CEP76: variants seen among roughly 807,000 people sequenced by gnomAD.
CEP76 encodes centrosomal protein 76, also known as centrosomal protein of 76 kDa.
Under a neutral mutation model 83.3 loss-of-function variants are expected in CEP76, and 55 were observed. The observed-to-expected ratio is 0.66, with a 90% CI of 0.53 to 0.83. The LOEUF (loss-of-function observed/expected upper bound fraction) is 0.83, where lower values mean the gene tolerates loss of function less well. CEP76 is among the 40% of genes least tolerant of loss of function. CEP76 has a pLI of 0.00. For synonymous variants in CEP76, 270 were observed against 274.5 expected, an observed-to-expected ratio of 0.98 and a Z score of 0.16; for missense variants, 694 against 799.5, an observed-to-expected ratio of 0.87 and a Z score of 1.59.
At chr18:12,677,215 G>A (rs1403517183) in intron 10 of CEP76, among the ~76,000 whole-genome samples, 1 of 152,116 alleles carries the variant, frequency 6.6e-6, no homozygotes, top group African/African-American at 2.4e-5. Context: ...CACTTTGGGA[G>A]GCTGAGGCAG....
At position 12,700,682 on chromosome 18, in the gene CEP76, T is replaced by C. The variant is rs573540950; in HGVS notation, c.219+276A>G. On this transcript the variant is annotated intron_variant, in intron 2 of 11. Coordinates refer to ENST00000262127, the MANE Select transcript of CEP76 (RefSeq NM_024899.4). ...ATGGTGAACTAATTGGACTAAAGTA[T>C]GTATATTCAAATTTACAGACCTAGA... Among the ~76,000 whole-genome samples, 5 of 152,286 alleles carry C rather than the reference T, an allele frequency of 3.3e-5. No homozygotes were observed. In the East Asian group the frequency reaches 5.8e-4, roughly 18 times the overall value.
At position 12,702,504 on chromosome 18, in the gene CEP76, G is replaced by A; in HGVS notation, c.45C>T (p.Ile15=). ...PEKASELKQL[I]HQQLSKMDVH... is the part of the protein sequence containing the mutation. Reference sequence around the variant, plus strand: ...CTCTCACCTTGCTCAGCTGCTGGTGGATGAGCTGCTTCAGCTCGGAGGCTT... The same window carrying A: ...CTCTCACCTTGCTCAGCTGCTGGTGAATGAGCTGCTTCAGCTCGGAGGCTT... The change falls in exon 1 of 12, where the codon ATC becomes ATT. Residue 15 remains isoleucine (I), a synonymous_variant. Coordinates refer to ENST00000262127, the MANE Select transcript of CEP76 (RefSeq NM_024899.4). The A allele has an allele frequency of 1.2e-6, 2 of 1,609,900 alleles. No individual in the cohort carries two copies. The highest frequency in any genetic ancestry group is 1.7e-6 in the Non-Finnish European group (2 of 1,178,558).
chr18:12,664,682 G>A (rs1026388213), intron 12 of CEP76, among the ~76,000 whole-genome samples: 28 of 151,716 alleles, frequency 1.8e-4, no homozygotes, highest in African/African-American at 5.8e-4. Context: ...ACTGTGCCTG[G>A]CTAATTTGTC....
intron 8 of CEP76, among the ~76,000 whole-genome samples, chr18:12,683,287 G>A (rs2039417395): frequency 6.6e-6 from 1 of 151,394 alleles, no homozygotes; most frequent in South Asian, 2.1e-4. Flanking sequence ...GGGAGGCGGA[G>A]GTTGCAGTGA....
intron 8 of CEP76, among the ~76,000 whole-genome samples, chr18:12,683,317 A>G (rs1243563106): frequency 1.3e-5 from 2 of 151,476 alleles, no homozygotes; most frequent in Admixed American, 6.6e-5. Flanking sequence ...GTGACACTGC[A>G]CTCCAGCCTG....
At chr18:12,677,021 C>G (rs577056261) in intron 10 of CEP76, among the ~76,000 whole-genome samples, 1 of 152,158 alleles carries the variant, frequency 6.6e-6, no homozygotes, top group Non-Finnish European at 1.5e-5. Context: ...CTTTTCCCAC[C>G]CCACAGCTTC....
intron 12 of CEP76, among the ~76,000 whole-genome samples, chr18:12,666,434 T>C (rs2038803131): frequency 7.2e-6 from 1 of 138,336 alleles, no homozygotes; most frequent in South Asian, 2.2e-4. Flanking sequence ...CAAAATTTTA[T>C]GGTTTTTTTT....
chr18:12,683,186 C>CAAAAAAAAAAAAAAAAAAA lies in CEP76; in HGVS notation c.1123-2359_1123-2358insTTTTTTTTTTTTTTTTTTT, dbSNP rs765652085. On this transcript the variant is annotated intron_variant, in intron 8 of 11. Transcript: ENST00000262127. ...GAAACCCCATCTCTACTAAAAATAC[C>CAAAAAAAAAAAAAAAAAAA]AAAAAAAAAAAAAAAAAAGCCAGGC... Among the ~76,000 whole-genome samples, 57 of 63,662 alleles carry CAAAAAAAAAAAAAAAAAAA rather than the reference C, an allele frequency of 9.0e-4. 2 individuals are homozygous for CAAAAAAAAAAAAAAAAAAA. The highest frequency in any genetic ancestry group is 2.9e-3 in the African/African-American group (49 of 16,988). The allele number at this position is 63,662 out of a possible 152,430, so 41.8% of individuals were successfully genotyped here.
At position 12,673,135 on chromosome 18, in the gene CEP76, C is replaced by A. The variant is rs1462253435; in HGVS notation, c.*230G>T. 8.9e-7 allele frequency: 1 copy of A among 1,124,566 alleles called. No homozygotes were observed. The highest frequency in any genetic ancestry group is 1.1e-6 in the Non-Finnish European group (1 of 898,298). The allele number at this position is 1,124,566 out of a possible 1,614,324, so 69.7% of individuals were successfully genotyped here. A position where few individuals can be genotyped will look rare whatever the true frequency, so the allele number is the denominator to read the frequency against. ...GTAGCATTTATTAAAATAGAATATA[C>A]ACTTAATTTATACTAAATTCCAGGG... On this transcript the variant is annotated 3_prime_UTR_variant, in exon 12 of 12. Coordinates refer to ENST00000262127, the MANE Select transcript of CEP76 (RefSeq NM_024899.4).
chr18:12,686,327 C>T lies in CEP76; in HGVS notation c.1057G>A (p.Val353Ile), dbSNP rs1237479781. Reference sequence around the variant, plus strand: ...TCCTGTTTACCTCCTCCTCCAATAACAGGGGCTCGTTCATAACCAAGGACA... The same window carrying T: ...TCCTGTTTACCTCCTCCTCCAATAATAGGGGCTCGTTCATAACCAAGGACA... ...VNVLGYERAP[V>I]IGGGGKQEQW... The change falls in exon 8 of 12, where the codon GTT becomes ATT. Residue 353 changes from valine (V) to isoleucine (I), a missense_variant. By Grantham distance (29) the Val-to-Ile change is conservative. Coordinates refer to ENST00000262127, the MANE Select transcript of CEP76 (RefSeq NM_024899.4). The T allele has an allele frequency of 3.7e-6, 6 of 1,614,020 alleles. No homozygotes were observed. The African/African-American group carries it at 6.7e-5, about 18-fold the overall frequency.
At chr18:12,681,112 C>T (rs2039332060) in intron 8 of CEP76, among the ~76,000 whole-genome samples, 1 of 151,050 alleles carries the variant, frequency 6.6e-6, no homozygotes, top group East Asian at 1.9e-4. Context: ...GCAAGAGAAT[C>T]ACGTGAACTT....
intron 3 of CEP76, 53 bp from the exon 4 acceptor site, chr18:12,699,256 G>A: frequency 8.0e-7 from 1 of 1,246,564 alleles, no homozygotes; most frequent in Non-Finnish European, 1.2e-6. Flanking sequence ...TTAAAAGAAT[G>A]TGATCAAGAC....
chr18:12,696,301 G>A (rs900078469), intron 5 of CEP76, among the ~76,000 whole-genome samples: 3 of 152,052 alleles, frequency 2.0e-5, no homozygotes, highest in Non-Finnish European at 2.9e-5. Context: ...TCAAGAGATC[G>A]AGACCATCCC....
chr18:12,677,273 C>G (rs899601849), intron 10 of CEP76, among the ~76,000 whole-genome samples: 1 of 151,748 alleles, frequency 6.6e-6, no homozygotes, highest in African/African-American at 2.4e-5. Flanking sequence ...AACCCTATCT[C>G]TACAAAAAAT....
chr18:12,686,001 T>A, intron 8 of CEP76: 1 of 290,594 alleles, frequency 3.4e-6, no homozygotes, highest in Non-Finnish European at 6.5e-6. Flanking sequence ...TCTAAATTGT[T>A]TAAAAATCTC....
chr18:12,662,032 T>C, exon 13 of CEP76: 1 of 279,724 alleles, frequency 3.6e-6, no homozygotes, highest in East Asian at 1.0e-4. Flanking sequence ...CTTATTCTTG[T>C]AGAATAAGTG....
chr18:12,681,384 CT>C (rs1484866770), intron 8 of CEP76, among the ~76,000 whole-genome samples: 2 of 150,608 alleles, frequency 1.3e-5, no homozygotes, highest in Non-Finnish European at 2.9e-5. Context: ...GTAGCTGGGA[CT>C]AAAGGTGTGC....
At chr18:12,689,532 T>C (rs558576916) in intron 7 of CEP76, among the ~76,000 whole-genome samples, 1 of 152,290 alleles carries the variant, frequency 6.6e-6, no homozygotes, top group African/African-American at 2.4e-5. Context: ...TAAATTACGT[T>C]CTATGGTTCA....
intron 10 of CEP76, among the ~76,000 whole-genome samples, chr18:12,676,419 C>A (rs922863898): frequency 7.3e-5 from 11 of 151,258 alleles, no homozygotes; most frequent in Non-Finnish European, 1.3e-4. Flanking sequence ...GGACTACAGG[C>A]ATGCACCACC....
Sources: gnomAD v4.1 joint callset for allele counts (sites outside exome capture counted in the v4.1 genomes callset) on GRCh38, gnomAD v4.1.1 for gene constraint, MANE v1.5 for transcripts, NCBI Gene and HGNC (gene_info 2026-07-23, HGNC 2026-07-21) for gene names.